Variants in MGA observed in about 807,000 individuals in gnomAD.
MGA encodes MAX dimerization protein MGA.
In MGA, 40 loss-of-function variants were observed where a neutral mutation model predicts 261.1. The observed-to-expected ratio is 0.15, with a 90% confidence interval of 0.12 to 0.20. The LOEUF (loss-of-function observed/expected upper bound fraction) is 0.20, where lower values mean the gene tolerates loss of function less well. Ranked by LOEUF, MGA falls within the 10% of genes least tolerant of loss-of-function variation. The pLI is 1.00. For synonymous variants in MGA, 1,302 were observed against 1,290.6 expected (o/e 1.01, Z -0.19); for missense variants, 3,397 against 3,630.5 (o/e 0.94, Z 1.65).
At chr15:41,670,080 T>C (rs1284427815) in intron 2 of MGA, 122 bp downstream of exon 2, 1 of 775,546 alleles carries the variant, frequency 1.3e-6, no homozygotes, top group Non-Finnish European at 2.0e-6. Context: ...CACTATAAAA[T>C]ATACTACAAC....
intron 1 of MGA, among the ~76,000 whole-genome samples, chr15:41,636,162 A>C (rs2056699877): frequency 6.6e-6 from 1 of 152,072 alleles, no homozygotes; most frequent in Non-Finnish European, 1.5e-5. Flanking sequence ...TTTTATAGAC[A>C]GGGTTTCACT....
chr15:41,767,987 T>G lies in MGA; in HGVS notation c.*707T>G, dbSNP rs2063882192. On this transcript the variant is annotated 3_prime_UTR_variant, in exon 24 of 24. Coordinates refer to ENST00000219905, the MANE Select transcript of MGA (RefSeq NM_001164273.2). ...TTCTCCCTTATTATTTTTGTGGGCA[T>G]TGAAAAGCTCATTTCACAGTACCAG... 6.6e-6 allele frequency: 1 copy of G among 152,484 alleles called. No individual in the cohort carries two copies. The highest frequency in any genetic ancestry group is 6.5e-5 in the Admixed American group (1 of 15,270). 9.4% of individuals were successfully genotyped at this position (152,484 alleles called of 1,614,324 possible).
Position 41,743,073 on chromosome 15 carries a change from G to C in MGA, c.5113G>C (p.Ala1705Pro), listed in dbSNP as rs1395166796. ...CTCCTTAGTCGTGGTGACTGCAGCT[G>C]CATCTTCCTCCATGGTGACCACACC... Residue 1705 changes from alanine to proline, a missense_variant, in exon 15 of 24, where the codon GCA becomes CCA. Coordinates refer to ENST00000219905, the MANE Select transcript of MGA (RefSeq NM_001164273.2). 1.2e-6 allele frequency: 2 copies of C among 1,613,998 alleles called. No homozygotes were observed. Among genetic ancestry groups the C allele is most frequent in the Admixed American group, 3.3e-5 (2 of 60,026 alleles).
At chr15:41,732,468 G>C (rs1183883429) in intron 11 of MGA, among the ~76,000 whole-genome samples, 2 of 151,996 alleles carry the variant, frequency 1.3e-5, no homozygotes, top group Admixed American at 6.6e-5. Context: ...ATTATATCTT[G>C]TGACACCTGA....
rs985665618 is a variant in MGA, at chr15:41,760,275, G to A, written c.7192-48G>A. 84 of 1,573,698 alleles carry A rather than the reference G, an allele frequency of 5.3e-5. No homozygotes were observed. In the Admixed American group the frequency reaches 1.3e-3, roughly 25 times the overall value. On this transcript the variant is annotated intron_variant, in intron 19 of 23. Transcript: ENST00000219905. ...AGTGTCATTTGAAACAGAGTAAGAG[G>A]GCCAACTACATGTTCAAGATGTTTA...
At chr15:41,695,850 C>T (rs16971974) in intron 2 of MGA, among the ~76,000 whole-genome samples, 4,985 of 152,108 alleles carry the variant, frequency 0.033, 140 homozygotes, top group African/African-American at 0.07. Flanking sequence ...TTTAATGGCC[C>T]TTTCCGGTTT....
intron 19 of MGA, among the ~76,000 whole-genome samples, chr15:41,758,489 TATATG>T (rs768678897): frequency 1.2e-4 from 18 of 152,166 alleles, no homozygotes; most frequent in Non-Finnish European, 2.2e-4. Flanking sequence ...ATTTGGGACT[TATATG>T]ATACAGCGTA....
Position 41,762,465 on chromosome 15 carries a change from T to TTTTTG in MGA, c.7744+107_7744+108insGTTTT, listed in dbSNP as rs2063528895. 8 of 286,726 alleles carry TTTTTG rather than the reference T, an allele frequency of 2.8e-5. No individual in the cohort carries two copies. The South Asian group carries it at 3.4e-4, about 12-fold the overall frequency. 17.8% of individuals were successfully genotyped at this position (286,726 alleles called of 1,614,324 possible). A position where few individuals can be genotyped will look rare whatever the true frequency, so the allele number is the denominator to read the frequency against. On this transcript the variant is annotated intron_variant, in intron 22 of 23. Transcript: ENST00000219905. The stretch of plus-strand genomic sequence containing the variant: ...CCACATTTTTAGTTTTGTGTGGTTT[T>TTTTTG]TTTTTTTTTTTTTTTTTTTTTTTTT...
chr15:41,725,679 C>G lies in MGA; in HGVS notation c.3431-1501C>G, dbSNP rs1257700799. The stretch of plus-strand genomic sequence containing the variant: ...TGAAACCCCGTCTCTACTAAAAATA[C>G]AAAAAATTAGCCGGGCGTAGTGGCG... On this transcript the variant is annotated intron_variant, in intron 9 of 23. Transcript: ENST00000219905. 7.3e-5 allele frequency among the ~76,000 whole-genome samples: 3 copies of G among 41,316 alleles called. 1 individual carries two copies. The highest frequency in any genetic ancestry group is 1.9e-4 in the African/African-American group (3 of 15,796). 27.1% of individuals were successfully genotyped at this position (41,316 alleles called of 152,430 possible).
Position 41,764,923 on chromosome 15 carries a change from C to A in MGA, c.7782C>A (p.Ala2594=). Residue 2594 remains alanine (A), a synonymous_variant, in exon 23 of 24, where the codon GCC becomes GCA. Transcript: ENST00000219905. ...CCTTGAACACTCCACACACCTCTGCCAACCTTGTGATGACTCCGCAAGGGC... is the reference window on the plus strand; with the variant it reads ...CCTTGAACACTCCACACACCTCTGCAAACCTTGTGATGACTCCGCAAGGGC... 6.2e-7 allele frequency: 1 copy of A among 1,614,030 alleles called. No individual in the cohort carries two copies. The highest frequency in any genetic ancestry group is 8.5e-7 in the Non-Finnish European group (1 of 1,179,884).
intron 1 of MGA, among the ~76,000 whole-genome samples, chr15:41,638,794 G>T (rs1024465026): frequency 2.0e-5 from 3 of 149,628 alleles, no homozygotes; most frequent in African/African-American, 7.4e-5. Flanking sequence ...GAGTTTGAGT[G>T]ATTCTCCTAC....
chr15:41,696,485 C>T lies in MGA; in HGVS notation c.1475C>T (p.Ser492Phe). The T allele has an allele frequency of 6.2e-7, 1 of 1,613,974 alleles. No individual in the cohort carries two copies. The highest frequency in any genetic ancestry group is 8.5e-7 in the Non-Finnish European group (1 of 1,179,890). The change falls in exon 3 of 24, where the codon TCC becomes TTC. Residue 492 changes from serine (S) to phenylalanine (F), a missense_variant. Transcript: ENST00000219905. ...TCTGAACTCCCCGATAACATGCTTT[C>T]CACATCTCGAAAGGATAAATCTTCT...
intron 11 of MGA, 73 bp from the exon 12 acceptor site, chr15:41,734,449 G>A: frequency 8.6e-7 from 1 of 1,167,668 alleles, no homozygotes; most frequent in Non-Finnish European, 1.2e-6. Context: ...GAGATTTAAT[G>A]CTTGTGTCCA....
At chr15:41,728,322 C>T (rs1427322786) in intron 10 of MGA, among the ~76,000 whole-genome samples, 1 of 152,106 alleles carries the variant, frequency 6.6e-6, no homozygotes, top group Non-Finnish European at 1.5e-5. Flanking sequence ...CAGAGCAAGA[C>T]TCCATCTCAA....
intron 2 of MGA, among the ~76,000 whole-genome samples, chr15:41,687,031 GT>G (rs148996159): frequency 0.034 from 4,988 of 148,258 alleles, 135 homozygotes; most frequent in African/African-American, 0.07. Context: ...CAAGATTGCT[GT>G]TTTTTTTTTC....
rs949976126 is a variant in MGA at position 41,669,146 on chromosome 15, G to A, written c.252G>A (p.Met84Ile). 8 of 1,613,786 alleles carry A rather than the reference G, an allele frequency of 5.0e-6. No homozygotes were observed. In the Admixed American group the frequency reaches 1.2e-4, roughly 24 times the overall value. Residue 84 changes from methionine to isoleucine, a missense_variant, in exon 2 of 24, where the codon ATG (methionine) becomes ATA (isoleucine). This residue lies in a region of MGA where 104 missense variants were observed against 212.9 expected (regional missense o/e 0.49). Transcript: ENST00000219905. Reference sequence around the variant, plus strand: ...CTGTTACCCTCGATAACAATAGTATGTGGAATGAGTTCTATCATCGAAGCA... The same window carrying A: ...CTGTTACCCTCGATAACAATAGTATATGGAATGAGTTCTATCATCGAAGCA...
intron 1 of MGA, among the ~76,000 whole-genome samples, chr15:41,636,706 T>A (rs2056716751): frequency 6.6e-6 from 1 of 151,942 alleles, no homozygotes; most frequent in African/African-American, 2.4e-5. Flanking sequence ...TGAGCCACCA[T>A]ACCCAGCCTA....
chr15:41,762,460 G>GTTTTTTTTTTTTTTTTTTTTTT (rs1491528643), intron 22 of MGA, 98 bp downstream of exon 22: 1 of 190,268 alleles, frequency 5.3e-6, no homozygotes, highest in African/African-American at 4.2e-5. Flanking sequence ...AGTTTTGTGT[G>GTTTTTTTTTTTTTTTTTTTTTT]GTTTTTTTTT....
chr15:41,692,746 C>G (rs1354687302), intron 2 of MGA, among the ~76,000 whole-genome samples: 2 of 152,162 alleles, frequency 1.3e-5, no homozygotes, highest in African/African-American at 4.8e-5. Context: ...GAGTCTCACT[C>G]TGTCACCCAG....
Sources: allele counts gnomAD v4.1 joint callset (sites outside exome capture counted in the v4.1 genomes callset), GRCh38; gene constraint gnomAD v4.1.1; regional missense constraint gnomAD v4.1.1; transcripts MANE v1.5; gene names NCBI Gene and HGNC (gene_info 2026-07-23, HGNC 2026-07-21).